Variants in PRKAG2 observed in about 807,000 individuals in gnomAD.
The protein encoded by PRKAG2 is protein kinase AMP-activated non-catalytic subunit gamma 2.
In PRKAG2, 26 loss-of-function variants were observed where a neutral mutation model predicts 69.6. The ratio of observed to expected loss-of-function variants is 0.37; its 90% CI spans 0.27 to 0.52. The LOEUF (loss-of-function observed/expected upper bound fraction) is 0.52. PRKAG2 is among the 20% of genes least tolerant of loss of function. PRKAG2 has a pLI of 0.90. For missense variants in PRKAG2, 557 were observed against 740.0 expected, an observed-to-expected ratio of 0.75 and a Z score of 2.87; for synonymous variants, 293 against 285.0, an observed-to-expected ratio of 1.03 and a Z score of -0.28.
intron 4 of PRKAG2, among the ~76,000 whole-genome samples, chr7:151,664,401 C>T (rs1010382810): frequency 1.3e-5 from 2 of 152,138 alleles, no homozygotes; most frequent in Non-Finnish European, 2.9e-5. Flanking sequence ...CAGGGACATG[C>T]CGAGTCACTC....
At chr7:151,751,747 A>C (rs747979472) in intron 3 of PRKAG2, among the ~76,000 whole-genome samples, 6 of 151,386 alleles carry the variant, frequency 4.0e-5, no homozygotes, top group Admixed American at 6.6e-5. Flanking sequence ...TCCTGAGCTC[A>C]AGCAATCCTC....
chr7:151,711,770 T>A (rs1012081118), intron 3 of PRKAG2, among the ~76,000 whole-genome samples: 3 of 152,180 alleles, frequency 2.0e-5, no homozygotes, highest in Non-Finnish European at 4.4e-5. Flanking sequence ...AACTACTTGT[T>A]AGGGTTACTC....
chr7:151,809,200 G>A, intron 1 of PRKAG2: 2 of 456,462 alleles, frequency 4.4e-6, no homozygotes, highest in South Asian at 3.1e-5. Context: ...CAAATCCCAA[G>A]AGGGGTGAGT....
intron 1 of PRKAG2, among the ~76,000 whole-genome samples, chr7:151,822,336 G>T (rs1215237662): frequency 6.6e-6 from 1 of 151,912 alleles, no homozygotes; most frequent in African/African-American, 2.4e-5. Flanking sequence ...GCAGGCCAGG[G>T]TCAAGGGCGG....
intron 1 of PRKAG2, among the ~76,000 whole-genome samples, chr7:151,862,595 G>T (rs2079959197): frequency 6.6e-6 from 1 of 152,192 alleles, no homozygotes; most frequent in Non-Finnish European, 1.5e-5. Context: ...CTTCCTCAGG[G>T]CTGGGACATG....
In PRKAG2 at chr7:151,807,406, G is replaced by A. The variant is rs1297043605; in HGVS notation, c.115-20865C>T. Reference sequence around the variant, plus strand: ...AATTTTCAGGAAGCAGCTGTGCTGTGGGTGACGGTCATACTTTATTCTCTA... The same window carrying A: ...AATTTTCAGGAAGCAGCTGTGCTGTAGGTGACGGTCATACTTTATTCTCTA... On this transcript the variant is annotated intron_variant, in intron 1 of 15. Coordinates refer to ENST00000287878, the MANE Select transcript of PRKAG2 (RefSeq NM_016203.4). The surrounding 1 kb of genome is among the most constrained non-coding windows in gnomAD (Gnocchi z 4.4). 4.4e-6 allele frequency: 2 copies of A among 457,654 alleles called. No homozygotes were observed. Among genetic ancestry groups the A allele is most frequent in the African/African-American group, 4.0e-5 (2 of 50,084 alleles). 28.3% of individuals were successfully genotyped at this position (457,654 alleles called of 1,614,324 possible).
chr7:151,570,335 A>C, intron 9 of PRKAG2, 110 bp from the exon 10 acceptor site: 1 of 1,261,988 alleles, frequency 7.9e-7, no homozygotes, highest in Non-Finnish European at 1.1e-6. Flanking sequence ...AGGATTAAAA[A>C]CTCAAATAAA....
In PRKAG2 at chr7:151,576,372, T is replaced by C. The variant is rs759393540; in HGVS notation, c.945A>G (p.Val315=). The C allele has an allele frequency of 1.4e-5, 22 of 1,599,866 alleles. No homozygotes were observed. The Admixed American group carries it at 1.5e-4, about 11-fold the overall frequency. The change falls in exon 7 of 16, where the codon GTA becomes GTG. Residue 315 remains valine, a splice_region_variant and synonymous_variant. Transcript: ENST00000287878. ...TTTCCTCAGGCCCACACTGCTTACC[T>C]ACAAAACTTTGTTTTTTACTCTCCC... The part of the protein sequence containing the change: ...PLWESKKQSF[V]GMLTITDFIN...
intron 15 of PRKAG2, chr7:151,559,384 AG>A: frequency 1.0e-6 from 1 of 985,464 alleles, no homozygotes; most frequent in Non-Finnish European, 1.2e-6. Context: ...TGTGAGATTC[AG>A]GTCTTTTAAA....
chr7:151,786,994 A>G (rs1212429831), intron 1 of PRKAG2, among the ~76,000 whole-genome samples: 2 of 152,170 alleles, frequency 1.3e-5, no homozygotes, highest in African/African-American at 4.8e-5. Context: ...AGGCAAAACT[A>G]TTAGCAGAGT....
At position 151,756,828 on chromosome 7, in the gene PRKAG2, G is replaced by A. The variant is rs2075123649; in HGVS notation, c.466+24324C>T. Among the ~76,000 whole-genome samples, 1 of 152,140 alleles carries A rather than the reference G, an allele frequency of 6.6e-6. No individual in the cohort carries two copies. Among genetic ancestry groups the A allele is most frequent in the Admixed American group, 6.5e-5 (1 of 15,278 alleles). On this transcript the variant is annotated intron_variant, in intron 3 of 15. Coordinates refer to ENST00000287878, the MANE Select transcript of PRKAG2 (RefSeq NM_016203.4). The surrounding 1 kb of genome is among the most constrained non-coding windows in gnomAD (Gnocchi z 4.9). ...CACGCAGCCACATAATCAGAACTGT[G>A]ACGTCCGTGTATTAAACTCCATCTG...
At chr7:151,794,153 C>T (rs919031091) in intron 1 of PRKAG2, among the ~76,000 whole-genome samples, 1 of 152,228 alleles carries the variant, frequency 6.6e-6, no homozygotes, top group Admixed American at 6.5e-5. Flanking sequence ...CCTGGCCTGG[C>T]AGCCTGAGCC....
intron 13 of PRKAG2, among the ~76,000 whole-genome samples, chr7:151,564,633 G>A (rs1805810706): frequency 6.6e-6 from 1 of 152,152 alleles, no homozygotes; most frequent in Non-Finnish European, 1.5e-5. Context: ...TTCTCAACAA[G>A]CTCCCTGGGG....
At chr7:151,782,347 G>A (rs57739154) in intron 2 of PRKAG2, among the ~76,000 whole-genome samples, 978 of 25,314 alleles carry the variant, frequency 0.039, 11 homozygotes, top group East Asian at 0.086. Flanking sequence ...GAAGGAGGGA[G>A]GGAGGGAGGG....
intron 3 of PRKAG2, chr7:151,736,182 G>A: frequency 1.4e-6 from 2 of 1,424,310 alleles, no homozygotes; most frequent in Non-Finnish European, 9.2e-7. Flanking sequence ...GGGGTCTTCA[G>A]GGCGACCTCA....
Position 151,832,905 on chromosome 7 carries a change from C to T in PRKAG2, c.114+43602G>A, listed in dbSNP as rs527418543. Among the ~76,000 whole-genome samples, 6 of 152,280 alleles carry T rather than the reference C, an allele frequency of 3.9e-5. No individual in the cohort carries two copies. In the South Asian group the frequency reaches 6.2e-4, roughly 16 times the overall value. ...TGACCCCACGTTGCAGGACCCGCTC[C>T]GGACTAGCCTGGTGTTCCTCCCAGG... On this transcript the variant is annotated intron_variant, in intron 1 of 15. Coordinates refer to ENST00000287878, the MANE Select transcript of PRKAG2 (RefSeq NM_016203.4).
intron 3 of PRKAG2, among the ~76,000 whole-genome samples, chr7:151,760,302 T>C (rs2075339103): frequency 6.6e-6 from 1 of 152,200 alleles, no homozygotes; most frequent in African/African-American, 2.4e-5. Context: ...AATGGCAGGA[T>C]CTCGGCTCAC....
At chr7:151,845,254 G>A (rs1586710441) in intron 1 of PRKAG2, among the ~76,000 whole-genome samples, 2 of 152,116 alleles carry the variant, frequency 1.3e-5, no homozygotes, top group African/African-American at 4.8e-5. Context: ...TCCTTCTCAG[G>A]TGAAGACGTT....
intron 3 of PRKAG2, among the ~76,000 whole-genome samples, chr7:151,749,259 C>T (rs560450716): frequency 1.3e-5 from 2 of 152,332 alleles, no homozygotes; most frequent in African/African-American, 4.8e-5. Context: ...CAGCCTTTCA[C>T]ATTGTAGCAA....
Sources: allele counts gnomAD v4.1 joint callset (sites outside exome capture counted in the v4.1 genomes callset), GRCh38; gene constraint gnomAD v4.1.1; non-coding constraint Gnocchi (gnomAD v3.1); transcripts MANE v1.5; gene names NCBI Gene and HGNC (gene_info 2026-07-23, HGNC 2026-07-21).